The following SRGAP3 variants were observed in gnomAD, a reference collection of about 807,000 sequenced individuals.
SRGAP3 encodes the protein SLIT-ROBO Rho GTPase-activating protein 3.
A neutral mutation model predicts 121.1 loss-of-function variants in SRGAP3; 39 were observed. The observed-to-expected ratio is 0.32, with a 90% confidence interval of 0.25 to 0.42. The LOEUF is 0.42. SRGAP3 is among the 10% of genes least tolerant of loss of function. SRGAP3 has a pLI of 1.00. For synonymous variants in SRGAP3, 601 were observed against 570.0 expected (o/e 1.05, Z -0.77); for missense variants, 1,213 against 1,470.6 (o/e 0.82, Z 2.86).
At chr3:9,243,848 T>C (rs911086626) in intron 1 of SRGAP3, among the ~76,000 whole-genome samples, 1 of 152,200 alleles carries the variant, frequency 6.6e-6, no homozygotes, top group Non-Finnish European at 1.5e-5. Context: ...ACATGTTTGT[T>C]CAGGAAGCAT....
chr3:9,239,673 G>C lies in SRGAP3; in HGVS notation c.67+9212C>G, dbSNP rs954342513. Among the ~76,000 whole-genome samples the C allele has an allele frequency of 3.3e-5, 5 of 152,182 alleles. No homozygotes were observed. The highest frequency in any genetic ancestry group is 7.3e-5 in the Non-Finnish European group (5 of 68,040). ...AATGCATATTGATTAGGGCTGCACTGTTTCCAAATTACCATTTAAATCAAT... is the reference window on the plus strand; with the variant it reads ...AATGCATATTGATTAGGGCTGCACTCTTTCCAAATTACCATTTAAATCAAT... On this transcript the variant is annotated intron_variant, in intron 1 of 21. Coordinates refer to ENST00000383836, the MANE Select transcript of SRGAP3 (RefSeq NM_014850.4). This position sits in a 1 kb window ranked among gnomAD's most constrained non-coding sequence, Gnocchi z 4.0.
At chr3:9,193,973 A>T (rs780316653) in intron 1 of SRGAP3, 1 of 152,340 alleles carries the variant, frequency 6.6e-6, no homozygotes, top group Non-Finnish European at 1.5e-5. Flanking sequence ...ACCTCTGTGC[A>T]TCCCAGATCA....
chr3:9,001,475 A>G (rs1351506986), intron 18 of SRGAP3, among the ~76,000 whole-genome samples: 2 of 152,208 alleles, frequency 1.3e-5, no homozygotes, highest in Non-Finnish European at 2.9e-5. Flanking sequence ...ACTAAATGCT[A>G]TGTTAGAAAA....
chr3:8,986,286 T>C (rs1471454799), intron 21 of SRGAP3, among the ~76,000 whole-genome samples: 2 of 152,162 alleles, frequency 1.3e-5, no homozygotes, highest in Admixed American at 1.3e-4. Context: ...CATTTGTAAA[T>C]GGCAGATAAT....
At chr3:9,149,739 G>A (rs1413255686) in intron 1 of SRGAP3, among the ~76,000 whole-genome samples, 1 of 152,236 alleles carries the variant, frequency 6.6e-6, no homozygotes, top group Non-Finnish European at 1.5e-5. Flanking sequence ...AAGTTCAACA[G>A]AACTGCCTAG....
In SRGAP3 at chr3:9,071,921, C is replaced by T. The variant is rs563142042; in HGVS notation, c.487-7340G>A. Reference sequence around the variant, plus strand: ...GTCTCTGGCCTCACAGAGTACACGCCGTACTGGTGAGACAGACAAATCAGT... The same window carrying T: ...GTCTCTGGCCTCACAGAGTACACGCTGTACTGGTGAGACAGACAAATCAGT... On this transcript the variant is annotated intron_variant, in intron 4 of 21. Transcript: ENST00000383836. 9.9e-5 allele frequency among the ~76,000 whole-genome samples: 15 copies of T among 152,188 alleles called. No individual in the cohort carries two copies. The South Asian group carries it at 2.3e-3, about 23-fold the overall frequency.
At chr3:9,118,370 C>A (rs1454371655) in intron 2 of SRGAP3, among the ~76,000 whole-genome samples, 3 of 152,168 alleles carry the variant, frequency 2.0e-5, no homozygotes, top group Non-Finnish European at 4.4e-5. Context: ...GTTCATGGAG[C>A]TGCCAAATTC....
intron 2 of SRGAP3, among the ~76,000 whole-genome samples, chr3:9,105,979 A>G (rs561092378): frequency 1.3e-5 from 2 of 152,360 alleles, no homozygotes; most frequent in African/African-American, 4.8e-5. Context: ...ATCTCATGTA[A>G]TTAGTTGAAT....
intron 1 of SRGAP3, among the ~76,000 whole-genome samples, chr3:9,245,900 G>A (rs1156646727): frequency 2.0e-5 from 3 of 152,142 alleles, no homozygotes; most frequent in African/African-American, 7.2e-5. Flanking sequence ...TTCCAGCCTG[G>A]ACGACACAGA....
intron 1 of SRGAP3, among the ~76,000 whole-genome samples, chr3:9,209,786 T>C (rs1355494557): frequency 6.6e-6 from 1 of 152,228 alleles, no homozygotes; most frequent in East Asian, 1.9e-4. Context: ...ACACTGGAAC[T>C]GTAGCTAGGC....
intron 3 of SRGAP3, among the ~76,000 whole-genome samples, chr3:9,299,211 A>G (rs904266217): frequency 6.6e-6 from 1 of 151,630 alleles, no homozygotes; most frequent in African/African-American, 2.4e-5. Flanking sequence ...AATACAAAAA[A>G]TTAGCTGGGC....
chr3:9,178,377 G>C (rs1951255162), intron 1 of SRGAP3, among the ~76,000 whole-genome samples: 1 of 152,198 alleles, frequency 6.6e-6, no homozygotes, highest in Admixed American at 6.5e-5. Flanking sequence ...GAGGAAACTG[G>C]CACTGAGAAA....
intron 9 of SRGAP3, among the ~76,000 whole-genome samples, chr3:9,052,432 G>T (rs879584057): frequency 4.6e-5 from 7 of 152,214 alleles, no homozygotes; most frequent in Non-Finnish European, 8.8e-5. Context: ...CAGGGATGTG[G>T]CTGAACTGAC....
intron 1 of SRGAP3, among the ~76,000 whole-genome samples, chr3:9,210,426 G>T (rs962849373): frequency 1.3e-5 from 2 of 152,108 alleles, no homozygotes; most frequent in Non-Finnish European, 2.9e-5. Flanking sequence ...ATTTGAGGCT[G>T]CAGTGAGCTA....
At chr3:9,046,065 T>G (rs1945262271) in intron 10 of SRGAP3, among the ~76,000 whole-genome samples, 1 of 152,082 alleles carries the variant, frequency 6.6e-6, no homozygotes. Flanking sequence ...GGGTAAAATT[T>G]AGAGGGAAAG....
intron 3 of SRGAP3, among the ~76,000 whole-genome samples, chr3:9,306,741 T>C (rs1955167665): frequency 6.6e-6 from 1 of 152,178 alleles, no homozygotes; most frequent in Non-Finnish European, 1.5e-5. Flanking sequence ...TGTGGTGCTA[T>C]TTCTGAGGAG....
chr3:9,045,959 C>T (rs1171518863), intron 10 of SRGAP3, among the ~76,000 whole-genome samples: 1 of 152,150 alleles, frequency 6.6e-6, no homozygotes, highest in Non-Finnish European at 1.5e-5. Flanking sequence ...GACTCTCTCC[C>T]TTTCTCCTCC....
At chr3:9,156,633 C>T (rs1023006649) in intron 1 of SRGAP3, among the ~76,000 whole-genome samples, 1 of 152,182 alleles carries the variant, frequency 6.6e-6, no homozygotes, top group Non-Finnish European at 1.5e-5. Context: ...TGGGACTCTG[C>T]CTGTCAAGGG....
intron 3 of SRGAP3, chr3:9,081,321 G>A (rs1947235704): frequency 2.2e-6 from 1 of 455,900 alleles, no homozygotes. Context: ...ATGAGGAACA[G>A]GAGAAGTACA....
Sources: allele counts gnomAD v4.1 joint callset (sites outside exome capture counted in the v4.1 genomes callset), GRCh38; gene constraint gnomAD v4.1.1; non-coding constraint Gnocchi (gnomAD v3.1); transcripts MANE v1.5; gene names NCBI Gene and HGNC (gene_info 2026-07-23, HGNC 2026-07-21).